Variants in TOLLIP observed in about 807,000 individuals in gnomAD.
The protein encoded by TOLLIP is toll interacting protein, also known as toll-interacting protein.
In TOLLIP, 16 loss-of-function variants were observed where a neutral mutation model predicts 33.5. The ratio of observed to expected loss-of-function variants is 0.48; its 90% CI spans 0.32 to 0.72. The LOEUF is 0.72. Ranked by LOEUF, TOLLIP falls within the 30% of genes least tolerant of loss-of-function variation. TOLLIP has a pLI of 0.03. For missense variants in TOLLIP, 325 were observed against 396.6 expected (o/e 0.82, Z 1.53); for synonymous variants, 176 against 163.7 (o/e 1.07, Z -0.57).
At chr11:1,297,952 C>T (rs1864159935) in intron 1 of TOLLIP, among the ~76,000 whole-genome samples, 1 of 152,204 alleles carries the variant, frequency 6.6e-6, no homozygotes. Context: ...TCGCCTGCCT[C>T]CCAGAAGGAT....
At chr11:1,302,398 G>C (rs1864308239) in intron 1 of TOLLIP, among the ~76,000 whole-genome samples, 1 of 152,246 alleles carries the variant, frequency 6.6e-6, no homozygotes. Context: ...TCACGGCCAA[G>C]AGGGGAGCCC....
At chr11:1,301,136 G>A (rs1864264285) in intron 1 of TOLLIP, among the ~76,000 whole-genome samples, 1 of 152,278 alleles carries the variant, frequency 6.6e-6, no homozygotes, top group African/African-American at 2.4e-5. Flanking sequence ...AAATTGTAAT[G>A]TATCAAATCA....
intron 5 of TOLLIP, among the ~76,000 whole-genome samples, chr11:1,285,583 A>G (rs1863664578): frequency 6.6e-6 from 1 of 152,166 alleles, no homozygotes; most frequent in Admixed American, 6.5e-5. Context: ...AGGTTCAGAC[A>G]CAACGGCGCA....
At position 1,303,102 on chromosome 11, in the gene TOLLIP, T is replaced by TG. The variant is rs1156973823; in HGVS notation, c.33+6363_33+6364insC. On this transcript the variant is annotated intron_variant, in intron 1 of 5. Transcript: ENST00000317204. The surrounding 1 kb of genome is among the most constrained non-coding windows in gnomAD (Gnocchi z 4.2). ...ATGACAGTATTGAAACGAACCCGTG[T>TG]AAGCTGAAGAGCGGTGAAAGGGAAG... 1.3e-5 allele frequency among the ~76,000 whole-genome samples: 2 copies of TG among 152,220 alleles called. No individual in the cohort carries two copies. The highest frequency in any genetic ancestry group is 2.9e-5 in the Non-Finnish European group (2 of 68,042).
rs1439504309 is a variant in TOLLIP at position 1,295,642 on chromosome 11, C to T, written c.183+3G>A. On this transcript the variant is annotated splice_donor_region_variant and intron_variant, in intron 2 of 5. Transcript: ENST00000317204. ...GCAGGCAGGAGGGTGCCCCAAGGCC[C>T]ACCTGTACCACCGTGATGTTCAGTC... 1 of 1,554,670 alleles carries T rather than the reference C, an allele frequency of 6.4e-7. No homozygotes were observed. The highest frequency in any genetic ancestry group is 8.8e-7 in the Non-Finnish European group (1 of 1,140,746).
intron 5 of TOLLIP, among the ~76,000 whole-genome samples, chr11:1,284,640 C>T (rs1206135111): frequency 2.0e-5 from 3 of 152,240 alleles, no homozygotes; most frequent in African/African-American, 4.8e-5. Context: ...TGAGCCCCCA[C>T]ACCCACCCCC....
At chr11:1,302,889 G>T in intron 1 of TOLLIP, 1 of 699,282 alleles carries the variant, frequency 1.4e-6, no homozygotes, top group African/African-American at 1.9e-5. Context: ...CTCATTCGCC[G>T]TGCCTTGTCT....
rs954570628 is a variant in TOLLIP at position 1,288,191 on chromosome 11, G to A, written c.519+433C>T. 9.8e-5 allele frequency among the ~76,000 whole-genome samples: 15 copies of A among 152,294 alleles called. No homozygotes were observed. The East Asian group carries it at 2.9e-3, about 30-fold the overall frequency. ...TCCCCGACATCTCCAGAGATGCCCT[G>A]CCACACCACGGCCAATGCCTGCCCT... is the stretch of plus-strand genomic sequence containing the variant. On this transcript the variant is annotated intron_variant, in intron 4 of 5. Transcript: ENST00000317204.
intron 5 of TOLLIP, among the ~76,000 whole-genome samples, chr11:1,281,908 GCAGCCGC>G (rs891324006): frequency 5.3e-5 from 8 of 152,250 alleles, no homozygotes; most frequent in Non-Finnish European, 1.5e-5. Context: ...CCCTGAGCAC[GCAGCCGC>G]CAGCCTCTCC....
At position 1,277,067 on chromosome 11, in the gene TOLLIP, G is replaced by C. The variant is rs771720197; in HGVS notation, c.797C>G (p.Ser266Cys). ...TGGCTCCTCCCCCATCTGCAGCAGG[G>C]AGTTGATGGCGGCATCCTTGTTCCC... Reference protein sequence around the residue: ...QRGNKDAAINSLLQMGEEP With the variant: ...QRGNKDAAINCLLQMGEEP The change falls in exon 6 of 6, where the codon TCC (serine) becomes TGC (cysteine). Residue 266 changes from serine (S) to cysteine (C), a missense_variant. Transcript: ENST00000317204. The surrounding 1 kb of genome is among the most constrained non-coding windows in gnomAD (Gnocchi z 4.2). The C allele has an allele frequency of 1.9e-6, 3 of 1,614,044 alleles. No individual in the cohort carries two copies. Among genetic ancestry groups the C allele is most frequent in the South Asian group, 1.1e-5 (1 of 91,088 alleles).
rs558503708 is a variant in TOLLIP at position 1,290,116 on chromosome 11, G to A, written c.366+111C>T. ...TGCACCCAATGAAACACCAGGTGGG[G>A]AGCCACGCCTCGAAGCCAGCCAGGA... On this transcript the variant is annotated intron_variant, in intron 3 of 5. Coordinates refer to ENST00000317204, the MANE Select transcript of TOLLIP (RefSeq NM_019009.4). The surrounding 1 kb of genome is among the most constrained non-coding windows in gnomAD (Gnocchi z 4.9). 22 of 1,080,770 alleles carry A rather than the reference G, an allele frequency of 2.0e-5. No individual in the cohort carries two copies. In the East Asian group the frequency reaches 3.1e-4, roughly 15 times the overall value. 66.9% of individuals were successfully genotyped at this position (1,080,770 alleles called of 1,614,324 possible).
At chr11:1,285,215 G>A (rs1863648962) in intron 5 of TOLLIP, among the ~76,000 whole-genome samples, 1 of 152,176 alleles carries the variant, frequency 6.6e-6, no homozygotes, top group African/African-American at 2.4e-5. Context: ...CCATGGCCTG[G>A]GCCTCTGGCC....
At chr11:1,292,754 C>T (rs572819056) in intron 2 of TOLLIP, among the ~76,000 whole-genome samples, 8 of 152,364 alleles carry the variant, frequency 5.3e-5, no homozygotes, top group East Asian at 3.9e-4. Flanking sequence ...ACACGGGCAC[C>T]GCTGCTTTCC....
At chr11:1,299,063 C>A (rs985929552) in intron 1 of TOLLIP, among the ~76,000 whole-genome samples, 1 of 152,232 alleles carries the variant, frequency 6.6e-6, no homozygotes, top group Non-Finnish European at 1.5e-5. Context: ...CCCAGCTCAG[C>A]GCCACAGCTG....
At chr11:1,291,883 C>T (rs529210168) in intron 2 of TOLLIP, 1 of 158,700 alleles carries the variant, frequency 6.3e-6, no homozygotes, top group South Asian at 1.5e-4. Flanking sequence ...CTGTCCCGTC[C>T]ACGCCAACCC....
chr11:1,309,526 C>A lies in TOLLIP; in HGVS notation c.-28G>T. The A allele has an allele frequency of 7.8e-7, 1 of 1,285,664 alleles. No homozygotes were observed. The highest frequency in any genetic ancestry group is 2.1e-5 in the South Asian group (1 of 48,074). 79.6% of individuals were successfully genotyped at this position (1,285,664 alleles called of 1,614,324 possible). On this transcript the variant is annotated 5_prime_UTR_variant, in exon 1 of 6. Transcript: ENST00000317204. ...TGCTGCGGCGGCCCCCGTGGCTCGCCGACCCGACAGTGACGCGCCGGGCGA... is the reference window on the plus strand; with the variant it reads ...TGCTGCGGCGGCCCCCGTGGCTCGCAGACCCGACAGTGACGCGCCGGGCGA...
In TOLLIP at chr11:1,276,908, G is replaced by A. The variant is rs748279004; in HGVS notation, c.*131C>T. On this transcript the variant is annotated 3_prime_UTR_variant, in exon 6 of 6. Transcript: ENST00000317204. ...ACCCAAGAACAGGTGTGGACGGGGC[G>A]GCACAGAAGTCCACGGGAGGGGGCG... The A allele has an allele frequency of 1.0e-4, 164 of 1,564,084 alleles. 1 individual carries two copies. The Middle Eastern group carries it at 1.9e-3, about 18-fold the overall frequency.
intron 1 of TOLLIP, among the ~76,000 whole-genome samples, chr11:1,297,165 T>C (rs1265482589): frequency 7.9e-5 from 12 of 152,078 alleles, no homozygotes; most frequent in African/African-American, 2.4e-4. Context: ...TTAGGCAAAG[T>C]GCACGTGCTG....
intron 1 of TOLLIP, among the ~76,000 whole-genome samples, chr11:1,306,523 TG>T (rs1864427748): frequency 6.6e-6 from 1 of 152,140 alleles, no homozygotes; most frequent in Non-Finnish European, 1.5e-5. Flanking sequence ...CCTGCCTCTC[TG>T]GCACCACAGG....
Sources: allele counts gnomAD v4.1 joint callset (sites outside exome capture counted in the v4.1 genomes callset), GRCh38; gene constraint gnomAD v4.1.1; non-coding constraint Gnocchi (gnomAD v3.1); transcripts MANE v1.5; gene names NCBI Gene and HGNC (gene_info 2026-07-23, HGNC 2026-07-21).